SPMIP3: variants seen among roughly 807,000 people sequenced by gnomAD.
SPMIP3 encodes sperm microtubule inner protein 3, also known as protein SPMIP3.
chr1:244,366,560 G>T, the SPMIP3 span, among the ~76,000 whole-genome samples: 1 of 152,218 alleles, frequency 6.6e-6, no homozygotes, highest in Non-Finnish European at 1.5e-5. Flanking sequence ...ATGGATGGAT[G>T]TGTCCTTCCT....
At chr1:244,370,050 G>T in the SPMIP3 span, among the ~76,000 whole-genome samples, 1 of 152,180 alleles carries the variant, frequency 6.6e-6, no homozygotes, top group African/African-American at 2.4e-5. Context: ...GCTACTCTTT[G>T]TTAGAAAATA....
At chr1:244,365,009 G>A in the SPMIP3 span, among the ~76,000 whole-genome samples, 11 of 152,332 alleles carry the variant, frequency 7.2e-5, no homozygotes, top group East Asian at 1.9e-3. Context: ...AGGGACTTAC[G>A]AACAGAAGCC....
the SPMIP3 span, among the ~76,000 whole-genome samples, chr1:244,384,869 A>G: frequency 6.6e-6 from 1 of 152,166 alleles, no homozygotes; most frequent in Non-Finnish European, 1.5e-5. Flanking sequence ...TTGTTTATCA[A>G]AGTATAGGCT....
chr1:244,357,025 T>C, the SPMIP3 span, among the ~76,000 whole-genome samples: 13 of 149,502 alleles, frequency 8.7e-5, no homozygotes, highest in Non-Finnish European at 1.9e-4. Context: ...CAGGCTCAAG[T>C]GATCCTTCCA....
the SPMIP3 span, chr1:244,364,630 C>G: frequency 1.4e-6 from 2 of 1,402,816 alleles, no homozygotes; most frequent in South Asian, 2.3e-5. Context: ...AGATATCTCA[C>G]CCATGGAATT....
At chr1:244,388,149 G>A in the SPMIP3 span, among the ~76,000 whole-genome samples, 2 of 151,384 alleles carry the variant, frequency 1.3e-5, no homozygotes, top group African/African-American at 4.9e-5. Context: ...GGTTGGTCTC[G>A]AACTCCTGAC....
the SPMIP3 span, among the ~76,000 whole-genome samples, chr1:244,364,938 G>A: frequency 6.6e-6 from 1 of 152,210 alleles, no homozygotes; most frequent in Non-Finnish European, 1.5e-5. Flanking sequence ...AAAGTCAGAG[G>A]AAGCTGAGAC....
the SPMIP3 span, among the ~76,000 whole-genome samples, chr1:244,358,091 A>C: frequency 2.0e-5 from 3 of 151,714 alleles, no homozygotes; most frequent in African/African-American, 7.3e-5. Context: ...TTAGTCAGGC[A>C]TGGTGGTACA....
At chr1:244,378,960 G>A in the SPMIP3 span, among the ~76,000 whole-genome samples, 1,917 of 151,882 alleles carry the variant, frequency 0.013, 186 homozygotes, top group East Asian at 0.24. Context: ...ACGGAGTCTC[G>A]CTCTGTCACC....
chr1:244,375,096 T>G, the SPMIP3 span: 1 of 216,288 alleles, frequency 4.6e-6, no homozygotes. Flanking sequence ...TATTTCCTTA[T>G]GAATCCTGAA....
chr1:244,374,405 C>T, the SPMIP3 span, among the ~76,000 whole-genome samples: 4 of 151,816 alleles, frequency 2.6e-5, no homozygotes, highest in Admixed American at 2.0e-4. Flanking sequence ...TGCTGCTTCA[C>T]GATTAGTCTT....
the SPMIP3 span, among the ~76,000 whole-genome samples, chr1:244,367,753 A>G: frequency 6.6e-6 from 1 of 151,926 alleles, no homozygotes; most frequent in African/African-American, 2.4e-5. Context: ...GGAGTGGCCA[A>G]TGGAGGTTTG....
At chr1:244,375,637 T>C in the SPMIP3 span, 2 of 495,968 alleles carry the variant, frequency 4.0e-6, no homozygotes, top group Non-Finnish European at 7.2e-6. Context: ...ATGTTTTTTT[T>C]TTTAATGAGT....
At chr1:244,371,817 G>A in the SPMIP3 span, among the ~76,000 whole-genome samples, 1 of 152,208 alleles carries the variant, frequency 6.6e-6, no homozygotes, top group African/African-American at 2.4e-5. Flanking sequence ...AAAGCTACGT[G>A]TCCCACCCCT....
the SPMIP3 span, among the ~76,000 whole-genome samples, chr1:244,374,486 T>C: frequency 6.6e-6 from 1 of 151,984 alleles, no homozygotes; most frequent in Non-Finnish European, 1.5e-5. Context: ...AAAACCAGTA[T>C]AATGAGCTCC....
At chr1:244,378,535 C>T in the SPMIP3 span, 3 of 1,613,718 alleles carry the variant, frequency 1.9e-6, no homozygotes, top group Non-Finnish European at 2.5e-6. Context: ...GACCAACAAA[C>T]ACTCATTCGA....
At chr1:244,388,706 A>C in the SPMIP3 span, among the ~76,000 whole-genome samples, 1 of 152,216 alleles carries the variant, frequency 6.6e-6, no homozygotes, top group East Asian at 1.9e-4. Context: ...TCGACATGCA[A>C]ATTTATGTAA....
At chr1:244,387,860 C>T in the SPMIP3 span, among the ~76,000 whole-genome samples, 1 of 151,258 alleles carries the variant, frequency 6.6e-6, no homozygotes, top group East Asian at 1.9e-4. Context: ...TCCCAGGTTT[C>T]TAGTTTGTGT....
the SPMIP3 span, among the ~76,000 whole-genome samples, chr1:244,373,137 T>A: frequency 6.6e-6 from 1 of 151,664 alleles, no homozygotes; most frequent in Non-Finnish European, 1.5e-5. Context: ...TCCCAGCACT[T>A]CGGGAGGTCA....
Sources: gnomAD v4.1 joint callset for allele counts (sites outside exome capture counted in the v4.1 genomes callset) on GRCh38, gnomAD v4.1.1 for gene constraint, MANE v1.5 for transcripts, NCBI Gene and HGNC (gene_info 2026-07-23, HGNC 2026-07-21) for gene names.